ADAM7: variants seen among roughly 807,000 people sequenced by gnomAD.
ADAM7 encodes the protein disintegrin and metalloproteinase domain-containing protein 7.
ADAM7 carries 97 observed loss-of-function variants against 102.9 expected under a neutral mutation model. That is an observed-to-expected ratio of 0.94 (90% CI 0.80 to 1.12). The LOEUF (loss-of-function observed/expected upper bound fraction) is 1.12, where lower values mean the gene tolerates loss of function less well. Among genes scored for constraint, ADAM7 ranks in the 50% most tolerant of loss-of-function variants. The probability of loss-of-function intolerance (pLI) is 0.00; values close to 1 mark genes in which losing one functional copy is unlikely to be tolerated. For missense variants in ADAM7, 991 were observed against 908.7 expected (o/e 1.09, Z -1.16); for synonymous variants, 334 against 304.4 (o/e 1.10, Z -1.01).
intron 3 of ADAM7, among the ~76,000 whole-genome samples, chr8:24,452,514 T>C (rs1818837556): frequency 1.3e-5 from 2 of 152,062 alleles, no homozygotes; most frequent in Admixed American, 6.6e-5. Flanking sequence ...TAGATCTTCC[T>C]CTATCCTTTT....
In ADAM7 at chr8:24,492,481, A is replaced by AT. The variant is rs1372489437; in HGVS notation, c.1553-8dup. 2 of 1,566,766 alleles carry AT rather than the reference A, an allele frequency of 1.3e-6. No homozygotes were observed. The highest frequency in any genetic ancestry group is 1.8e-5 in the Admixed American group (1 of 56,518). Reference sequence around the variant, plus strand: ...TGCTTTATTGTTTTACTTTTATACCATTTTTTACCCCAGAGGCAATAGAGA... The same window carrying AT: ...TGCTTTATTGTTTTACTTTTATACCATTTTTTTACCCCAGAGGCAATAGAGA... On this transcript the variant is annotated splice_polypyrimidine_tract_variant and intron_variant, in intron 14 of 21. Transcript: ENST00000175238.
In ADAM7 at chr8:24,485,264, A is replaced by G. The variant is rs1254714073; in HGVS notation, c.876-13A>G. ...AACTCAGATTGAAGACTATTTTTGC[A>G]TCTTTTTCATAGTGGGAAGTGGCTC... is the stretch of plus-strand genomic sequence containing the variant. On this transcript the variant is annotated splice_polypyrimidine_tract_variant and intron_variant, in intron 9 of 21. Transcript: ENST00000175238. The G allele has an allele frequency of 1.2e-6, 2 of 1,610,942 alleles. No homozygotes were observed. The highest frequency in any genetic ancestry group is 2.2e-5 in the South Asian group (2 of 90,650).
intron 20 of ADAM7, among the ~76,000 whole-genome samples, chr8:24,502,459 G>C (rs752794666): frequency 2.1e-4 from 32 of 151,988 alleles, no homozygotes; most frequent in Non-Finnish European, 4.3e-4. Flanking sequence ...AAAAATAACA[G>C]AGAAAATGTA....
At chr8:24,484,940 G>A (rs575528553) in intron 9 of ADAM7, among the ~76,000 whole-genome samples, 1 of 151,400 alleles carries the variant, frequency 6.6e-6, no homozygotes, top group East Asian at 1.9e-4. Flanking sequence ...CAAGTACCTG[G>A]GACTACAGGT....
At chr8:24,447,291 A>G in intron 3 of ADAM7, 29 bp downstream of exon 3, 1 of 1,303,140 alleles carries the variant, frequency 7.7e-7, no homozygotes, top group African/African-American at 1.5e-5. Context: ...CCAGTACCTT[A>G]TAGATTTTAG....
At chr8:24,461,290 C>T (rs1477433129) in intron 3 of ADAM7, among the ~76,000 whole-genome samples, 2 of 151,446 alleles carry the variant, frequency 1.3e-5, no homozygotes, top group South Asian at 2.1e-4. Flanking sequence ...TACGCCCAGC[C>T]GGTTTTCTGT....
In ADAM7 at chr8:24,492,615, A is replaced by G. The variant is rs1820402778; in HGVS notation, c.1655+18A>G. 6.3e-7 allele frequency: 1 copy of G among 1,589,298 alleles called. No homozygotes were observed. The highest frequency in any genetic ancestry group is 8.6e-7 in the Non-Finnish European group (1 of 1,160,320). ...GAGGAGAAGTAAGTGCCCTGTGGAA[A>G]AAAAGTAATTTGCCTTCTTACAGCA... On this transcript the variant is annotated intron_variant, in intron 15 of 21. Transcript: ENST00000175238.
At chr8:24,452,551 C>T (rs774880157) in intron 3 of ADAM7, among the ~76,000 whole-genome samples, 16 of 151,288 alleles carry the variant, frequency 1.1e-4, no homozygotes, top group East Asian at 5.9e-4. Flanking sequence ...TGTCTCTGCA[C>T]GTGAGATGGG....
At chr8:24,485,025 C>T (rs910446763) in intron 9 of ADAM7, among the ~76,000 whole-genome samples, 30 of 151,746 alleles carry the variant, frequency 2.0e-4, no homozygotes, top group African/African-American at 6.5e-4. Context: ...AGGATGGTCT[C>T]GATCTCTTGA....
At chr8:24,463,087 G>T (rs1039627603) in intron 3 of ADAM7, among the ~76,000 whole-genome samples, 1 of 152,050 alleles carries the variant, frequency 6.6e-6, no homozygotes, top group Non-Finnish European at 1.5e-5. Context: ...TACAGAAAAA[G>T]TTTGCTACAT....
rs1310499853 is a variant in ADAM7, at chr8:24,489,316, G to A, written c.1249G>A (p.Asp417Asn). The change falls in exon 12 of 22, where the codon GAC becomes AAC. Residue 417 changes from aspartate (D) to asparagine (N), a missense_variant. Coordinates refer to ENST00000175238, the MANE Select transcript of ADAM7 (RefSeq NM_003817.4). The stretch of plus-strand genomic sequence containing the variant: ...GAAGTTGGATGAGGGTGAAGAGTGT[G>A]ACTGTGGCCCTGCTCAGGTATTTGC... ...NKKLDEGEEC[D>N]CGPAQECTNP... is the part of the protein sequence containing the mutation. The A allele has an allele frequency of 3.7e-6, 6 of 1,612,038 alleles. No homozygotes were observed. The highest frequency in any genetic ancestry group is 1.3e-5 in the African/African-American group (1 of 74,842).
At chr8:24,460,177 A>G (rs1261836832) in intron 3 of ADAM7, among the ~76,000 whole-genome samples, 3 of 152,114 alleles carry the variant, frequency 2.0e-5, no homozygotes, top group Admixed American at 2.0e-4. Context: ...TGTTTACTAT[A>G]TAAATAAGAT....
intron 11 of ADAM7, 72 bp from the exon 12 acceptor site, chr8:24,489,085 TAA>T: frequency 3.7e-6 from 5 of 1,355,276 alleles, no homozygotes; most frequent in Non-Finnish European, 5.0e-6. Context: ...AAATGCTTCA[TAA>T]AATGCTCACA....
intron 7 of ADAM7, among the ~76,000 whole-genome samples, chr8:24,475,151 G>C (rs369553535): frequency 2.6e-5 from 4 of 152,100 alleles, no homozygotes; most frequent in East Asian, 3.9e-4. Context: ...ATTAAATAAA[G>C]ATTTGGCAAT....
chr8:24,506,030 G>C (rs1820937950), intron 20 of ADAM7: 1 of 1,210,782 alleles, frequency 8.3e-7, no homozygotes. Flanking sequence ...ATTATGTCTG[G>C]GTCTTTCAGT....
chr8:24,463,839 T>C, intron 3 of ADAM7, 43 bp from the exon 4 acceptor site: 2 of 1,541,076 alleles, frequency 1.3e-6, no homozygotes, highest in Non-Finnish European at 1.8e-6. Flanking sequence ...TGTCAGGTTT[T>C]TAGAACGAAC....
intron 3 of ADAM7, among the ~76,000 whole-genome samples, chr8:24,450,661 C>T (rs989747997): frequency 6.6e-5 from 10 of 152,002 alleles, no homozygotes; most frequent in African/African-American, 4.8e-5. Context: ...TGCCTAATTG[C>T]CCTGGCCAGA....
In ADAM7 at chr8:24,442,511, C is replaced by T. The variant is rs137990671; in HGVS notation, c.91C>T (p.Arg31Cys). Reference sequence around the variant, plus strand: ...TGGAGTAGAGGGTCAACAACTGGTTCGTCCTAAAAAGCTTCCTCTGATACA... The same window carrying T: ...TGGAGTAGAGGGTCAACAACTGGTTTGTCCTAAAAAGCTTCCTCTGATACA... ...ILGVEGQQLV[R>C]PKKLPLIQKR... Residue 31 changes from arginine (R) to cysteine (C), a missense_variant, in exon 2 of 22, where the codon CGT becomes TGT. Coordinates refer to ENST00000175238, the MANE Select transcript of ADAM7 (RefSeq NM_003817.4). The T allele has an allele frequency of 1.2e-6, 2 of 1,613,896 alleles. No homozygotes were observed. The highest frequency in any genetic ancestry group is 8.5e-7 in the Non-Finnish European group (1 of 1,179,968).
At chr8:24,483,599 A>C (rs1011879196) in intron 9 of ADAM7, among the ~76,000 whole-genome samples, 1 of 152,196 alleles carries the variant, frequency 6.6e-6, no homozygotes, top group Non-Finnish European at 1.5e-5. Context: ...CTCCAAAGTA[A>C]CATAATTCCT....
Sources: gnomAD v4.1 joint callset for allele counts (sites outside exome capture counted in the v4.1 genomes callset) on GRCh38, gnomAD v4.1.1 for gene constraint, MANE v1.5 for transcripts, NCBI Gene and HGNC (gene_info 2026-07-23, HGNC 2026-07-21) for gene names.